PIEZO2: variants seen among roughly 807,000 people sequenced by gnomAD.
PIEZO2 encodes piezo type mechanosensitive ion channel component 2, also known as piezo-type mechanosensitive ion channel component 2.
Under a neutral mutation model 337.3 loss-of-function variants are expected in PIEZO2, and 172 were observed. The observed-to-expected ratio is 0.51, with a 90% confidence interval of 0.45 to 0.58. The LOEUF (loss-of-function observed/expected upper bound fraction) is 0.58. Among genes scored for constraint, PIEZO2 ranks in the 20% least tolerant of loss-of-function variants. PIEZO2 has a pLI of 0.00. For synonymous variants in PIEZO2, 1,251 were observed against 1,228.5 expected, an observed-to-expected ratio of 1.02 and a Z score of -0.38; for missense variants, 3,028 against 3,391.3, an observed-to-expected ratio of 0.89 and a Z score of 2.66.
At position 10,821,673 on chromosome 18, in the gene PIEZO2, C is replaced by T. The variant is rs1360549759; in HGVS notation, c.918-14399G>A. 6.6e-6 allele frequency among the ~76,000 whole-genome samples: 1 copy of T among 152,146 alleles called. No homozygotes were observed. The highest frequency in any genetic ancestry group is 1.5e-5 in the Non-Finnish European group (1 of 68,012). On this transcript the variant is annotated intron_variant, in intron 7 of 55. Coordinates refer to ENST00000674853, the MANE Select transcript of PIEZO2 (RefSeq NM_001378183.1). This position sits in a 1 kb window ranked among gnomAD's most constrained non-coding sequence, Gnocchi z 4.2. ...GGAAATATGAGTCAAGTATCACCCC[C>T]ACCCACCACCACCTTTTTCATCAAA...
At chr18:10,999,568 G>A (rs1409889116) in intron 2 of PIEZO2, among the ~76,000 whole-genome samples, 3 of 151,946 alleles carry the variant, frequency 2.0e-5, no homozygotes, top group African/African-American at 7.3e-5. Flanking sequence ...TAAAACATAT[G>A]GGAGAACGAG....
chr18:10,870,340 C>T lies in PIEZO2; in HGVS notation c.492+913G>A, dbSNP rs537578527. Reference sequence around the variant, plus strand: ...TCAATGGCTCATCGGTTAACATTCTCAATATAAGTAACTTCAATTAACTTC... The same window carrying T: ...TCAATGGCTCATCGGTTAACATTCTTAATATAAGTAACTTCAATTAACTTC... On this transcript the variant is annotated intron_variant, in intron 5 of 55. Transcript: ENST00000674853. The surrounding 1 kb of genome is among the most constrained non-coding windows in gnomAD (Gnocchi z 5.3). 9.8e-5 allele frequency among the ~76,000 whole-genome samples: 15 copies of T among 152,318 alleles called. No individual in the cohort carries two copies. The highest frequency in any genetic ancestry group is 1.9e-4 in the Non-Finnish European group (13 of 68,036).
intron 7 of PIEZO2, among the ~76,000 whole-genome samples, chr18:10,843,742 G>A (rs935687932): frequency 1.3e-5 from 2 of 152,150 alleles, no homozygotes; most frequent in African/African-American, 2.4e-5. Context: ...TTCCGACCTC[G>A]AGTTGCCAGG....
chr18:10,943,085 C>G lies in PIEZO2; in HGVS notation c.287-31857G>C, dbSNP rs1367519524. Among the ~76,000 whole-genome samples, 2 of 152,202 alleles carry G rather than the reference C, an allele frequency of 1.3e-5. No homozygotes were observed. The highest frequency in any genetic ancestry group is 6.5e-5 in the Admixed American group (1 of 15,288). On this transcript the variant is annotated intron_variant, in intron 3 of 55. Transcript: ENST00000674853. The surrounding 1 kb of genome is among the most constrained non-coding windows in gnomAD (Gnocchi z 4.5). ...AGATACATGGAAACCCCTGGATAACCAGGCAGAAGTTTGCTGTAGAGGCAG... is the reference window on the plus strand; with the variant it reads ...AGATACATGGAAACCCCTGGATAACGAGGCAGAAGTTTGCTGTAGAGGCAG...
At position 10,705,480 on chromosome 18, in the gene PIEZO2, T is replaced by A; in HGVS notation, c.5855A>T (p.His1952Leu). The change falls in exon 41 of 56, where the codon CAT (histidine) becomes CTT (leucine). Residue 1952 changes from histidine (H) to leucine (L), a missense_variant. Physicochemically the swap from His to Leu is moderately conservative, Grantham distance 99. Transcript: ENST00000674853. ...PSYSKAVSFE[H>L]LSFGSQDDSA... ...GTCGTCCTGCGAGCCGAAGGACAGA[T>A]GCTCGAAGCTCACAGCCTTGCTGTA... 6.5e-7 allele frequency: 1 copy of A among 1,537,280 alleles called. No homozygotes were observed. Among genetic ancestry groups the A allele is most frequent in the Non-Finnish European group, 8.7e-7 (1 of 1,146,914 alleles).
At position 10,724,451 on chromosome 18, in the gene PIEZO2, C is replaced by G. The variant is rs1343751103; in HGVS notation, c.5030-6192G>C. Among the ~76,000 whole-genome samples the G allele has an allele frequency of 2.0e-5, 3 of 152,210 alleles. No individual in the cohort carries two copies. The highest frequency in any genetic ancestry group is 6.5e-5 in the Admixed American group (1 of 15,284). On this transcript the variant is annotated intron_variant, in intron 36 of 55. Coordinates refer to ENST00000674853, the MANE Select transcript of PIEZO2 (RefSeq NM_001378183.1). This position sits in a 1 kb window ranked among gnomAD's most constrained non-coding sequence, Gnocchi z 5.8. ...GCAATGCATGCTGCAGCCAATCAGA[C>G]CCCTGGTAGCAGAGCCTGGGCCCAC...
At position 10,770,080 on chromosome 18, in the gene PIEZO2, C is replaced by A. The variant is rs1405173129; in HGVS notation, c.2946+68G>T. On this transcript the variant is annotated intron_variant, in intron 21 of 55. Transcript: ENST00000674853. Reference sequence around the variant, plus strand: ...ATCACATTAAAAAAATCATGGACAGCTGGAAAAGGAAAATGATGACCTACT... The same window carrying A: ...ATCACATTAAAAAAATCATGGACAGATGGAAAAGGAAAATGATGACCTACT... 6 of 1,471,662 alleles carry A rather than the reference C, an allele frequency of 4.1e-6. No homozygotes were observed. In the Admixed American group the frequency reaches 1.3e-4, roughly 32 times the overall value. 91.2% of individuals were successfully genotyped at this position (1,471,662 alleles called of 1,614,324 possible).
In PIEZO2 at chr18:11,110,891, G is replaced by A. The variant is rs1568382757; in HGVS notation, c.64+37634C>T. 6.6e-6 allele frequency among the ~76,000 whole-genome samples: 1 copy of A among 152,326 alleles called. No individual in the cohort carries two copies. Among genetic ancestry groups the A allele is most frequent in the African/African-American group, 2.4e-5 (1 of 41,584 alleles). ...TGGGTCACTGCCACCCTCTCCTGAG[G>A]TCTGCTCCACACACGAGGTGAGGCC... On this transcript the variant is annotated intron_variant, in intron 1 of 55. Transcript: ENST00000674853. This position sits in a 1 kb window ranked among gnomAD's most constrained non-coding sequence, Gnocchi z 4.2.
chr18:11,046,282 A>T (rs570339038), intron 2 of PIEZO2, among the ~76,000 whole-genome samples: 2 of 152,368 alleles, frequency 1.3e-5, no homozygotes, highest in South Asian at 4.1e-4. Flanking sequence ...CTATTCAAAG[A>T]CAGATGCAGC....
At chr18:10,809,839 A>G (rs1003061988) in intron 7 of PIEZO2, among the ~76,000 whole-genome samples, 6 of 152,180 alleles carry the variant, frequency 3.9e-5, no homozygotes, top group Non-Finnish European at 7.3e-5. Context: ...TGGACAGAGC[A>G]AGGTGTCACA....
In PIEZO2 at chr18:10,954,556, T is replaced by G. The variant is rs2033437841; in HGVS notation, c.286+24979A>C. Among the ~76,000 whole-genome samples the G allele has an allele frequency of 6.6e-6, 1 of 152,192 alleles. No homozygotes were observed. The highest frequency in any genetic ancestry group is 2.4e-5 in the African/African-American group (1 of 41,442). On this transcript the variant is annotated intron_variant, in intron 3 of 55. Transcript: ENST00000674853. This position sits in a 1 kb window ranked among gnomAD's most constrained non-coding sequence, Gnocchi z 4.2. ...CTACATTGATGGTGTCTCTGCATAT[T>G]TATGTGGGTAAGGGAATCCTTCATA...
intron 3 of PIEZO2, among the ~76,000 whole-genome samples, chr18:10,920,101 C>T (rs1382520997): frequency 1.3e-5 from 2 of 152,290 alleles, no homozygotes; most frequent in Middle Eastern, 3.4e-3. Context: ...AAGATTCGCA[C>T]TAACTAGAAA....
rs2034307021 is a variant in PIEZO2 at position 10,973,126 on chromosome 18, T to C, written c.286+6409A>G. On this transcript the variant is annotated intron_variant, in intron 3 of 55. Coordinates refer to ENST00000674853, the MANE Select transcript of PIEZO2 (RefSeq NM_001378183.1). The surrounding 1 kb of genome is among the most constrained non-coding windows in gnomAD (Gnocchi z 4.9). ...ATGAGATATTCTATTTGAAAACTGC[T>C]GCATAAAGTGAGCATCCATATCTAT... Among the ~76,000 whole-genome samples, 1 of 152,248 alleles carries C rather than the reference T, an allele frequency of 6.6e-6. No homozygotes were observed. The highest frequency in any genetic ancestry group is 2.4e-5 in the African/African-American group (1 of 41,468).
chr18:10,820,851 G>A (rs1042666926), intron 7 of PIEZO2, among the ~76,000 whole-genome samples: 4 of 152,046 alleles, frequency 2.6e-5, no homozygotes, highest in African/African-American at 9.7e-5. Context: ...TAACCTTCAC[G>A]GTATGATTAG....
intron 7 of PIEZO2, among the ~76,000 whole-genome samples, chr18:10,832,674 T>G (rs1014624381): frequency 2.6e-5 from 4 of 152,136 alleles, no homozygotes; most frequent in African/African-American, 4.8e-5. Flanking sequence ...TACCCGGGAA[T>G]GTACCGCTCT....
In PIEZO2 at chr18:11,094,025, C is replaced by G. The variant is rs1370997331; in HGVS notation, c.65-27803G>C. Among the ~76,000 whole-genome samples, 1 of 151,774 alleles carries G rather than the reference C, an allele frequency of 6.6e-6. No homozygotes were observed. The highest frequency in any genetic ancestry group is 2.4e-5 in the African/African-American group (1 of 41,254). On this transcript the variant is annotated intron_variant, in intron 1 of 55. Transcript: ENST00000674853. The surrounding 1 kb of genome is among the most constrained non-coding windows in gnomAD (Gnocchi z 4.4). The stretch of plus-strand genomic sequence containing the variant: ...CAGTGTCTCGCTCTTGGGGCCCAGG[C>G]TGGAGTGCAGTGGTGCTACTGCGGC...
chr18:11,013,192 G>T (rs987866460), intron 2 of PIEZO2, among the ~76,000 whole-genome samples: 1 of 152,182 alleles, frequency 6.6e-6, no homozygotes, highest in Non-Finnish European at 1.5e-5. Context: ...ATTGAGAGAT[G>T]ATTGTGGACT....
At chr18:10,814,599 T>C (rs1272461705) in intron 7 of PIEZO2, among the ~76,000 whole-genome samples, 2 of 152,102 alleles carry the variant, frequency 1.3e-5, no homozygotes, top group African/African-American at 2.4e-5. Context: ...GAGAGGAGGA[T>C]TGTTGAAGCT....
chr18:10,939,754 CTG>C (rs2032620637), intron 3 of PIEZO2, among the ~76,000 whole-genome samples: 1 of 152,086 alleles, frequency 6.6e-6, no homozygotes, highest in Admixed American at 6.5e-5. Context: ...ACAGCACACA[CTG>C]TGGCCTGTCA....
Sources: allele counts gnomAD v4.1 joint callset (sites outside exome capture counted in the v4.1 genomes callset), GRCh38; gene constraint gnomAD v4.1.1; non-coding constraint Gnocchi (gnomAD v3.1); transcripts MANE v1.5; gene names NCBI Gene and HGNC (gene_info 2026-07-23, HGNC 2026-07-21).